NTM: variants seen among roughly 807,000 people sequenced by gnomAD.
The protein encoded by NTM is neurotrimin, also known as IgLON family member 2.
Under a neutral mutation model 42.1 loss-of-function variants are expected in NTM, and 13 were observed. The ratio of observed to expected loss-of-function variants is 0.31; its 90% CI spans 0.20 to 0.49. The LOEUF is 0.49. Ranked by LOEUF, NTM falls within the 20% of genes least tolerant of loss-of-function variation. The pLI is 0.99. For synonymous variants in NTM, 187 were observed against 179.2 expected (o/e 1.04, Z -0.35); for missense variants, 373 against 452.8 (o/e 0.82, Z 1.60).
At chr11:132,094,373 T>G (rs916625179) in intron 2 of NTM, among the ~76,000 whole-genome samples, 9 of 152,310 alleles carry the variant, frequency 5.9e-5, no homozygotes, top group African/African-American at 1.9e-4. Context: ...TCAGAAACTA[T>G]GTGTTCCTAT....
intron 1 of NTM, among the ~76,000 whole-genome samples, chr11:131,671,282 A>G (rs1478405625): frequency 6.6e-6 from 1 of 151,792 alleles, no homozygotes; most frequent in Non-Finnish European, 1.5e-5. Context: ...GGCCAGTTCC[A>G]CCCCTAGCCT....
chr11:132,014,736 G>GTTTTTTTTTTTTTTTTTTT (rs146527050), intron 2 of NTM, among the ~76,000 whole-genome samples: 3 of 84,018 alleles, frequency 3.6e-5, no homozygotes, highest in Admixed American at 1.4e-4. Context: ...AGAATTACTT[G>GTTTTTTTTTTTTTTTTTTT]TTTTTTTTTT....
At chr11:131,855,193 C>T (rs901222228) in intron 1 of NTM, among the ~76,000 whole-genome samples, 11 of 152,112 alleles carry the variant, frequency 7.2e-5, no homozygotes, top group Non-Finnish European at 5.9e-5. Flanking sequence ...GGACTTTTTA[C>T]CCAGCAGGTA....
At chr11:131,564,951 A>G (rs1166817445) in intron 1 of NTM, among the ~76,000 whole-genome samples, 2 of 152,184 alleles carry the variant, frequency 1.3e-5, no homozygotes, top group East Asian at 3.9e-4. Context: ...CAGGCCGCAA[A>G]GCCCTTTCCC....
chr11:131,595,593 G>A (rs998650789), intron 1 of NTM, among the ~76,000 whole-genome samples: 2 of 152,214 alleles, frequency 1.3e-5, no homozygotes, highest in African/African-American at 4.8e-5. Context: ...GAGAGCTGCT[G>A]ACTGTGGAGA....
intron 1 of NTM, chr11:131,795,298 T>C (rs1001230581): frequency 3.1e-6 from 2 of 640,680 alleles, no homozygotes; most frequent in Non-Finnish European, 3.9e-6. Context: ...TAGGATTTAA[T>C]GAGAGAATGC....
intron 1 of NTM, among the ~76,000 whole-genome samples, chr11:131,405,710 T>G (rs369019302): frequency 6.6e-5 from 10 of 152,224 alleles, no homozygotes; most frequent in African/African-American, 2.4e-4. Context: ...TACATCCAAT[T>G]TTGTCACTCG....
chr11:131,734,177 T>C (rs974789291), intron 1 of NTM, among the ~76,000 whole-genome samples: 1 of 151,970 alleles, frequency 6.6e-6, no homozygotes, highest in African/African-American at 2.4e-5. Context: ...CACCCATAAT[T>C]CTACCCCCTC....
intron 1 of NTM, among the ~76,000 whole-genome samples, chr11:131,689,474 A>G (rs995875788): frequency 2.0e-5 from 3 of 152,244 alleles, no homozygotes; most frequent in African/African-American, 7.2e-5. Flanking sequence ...TCAGGGGTTT[A>G]ATTCAACACT....
chr11:131,700,002 T>A (rs185978538), intron 1 of NTM, among the ~76,000 whole-genome samples: 28 of 151,800 alleles, frequency 1.8e-4, no homozygotes, highest in Admixed American at 1.4e-3. Context: ...CTTGAAGATC[T>A]CTTGACCATG....
chr11:131,411,271 T>C, intron 1 of NTM, among the ~76,000 whole-genome samples: 1 of 152,214 alleles, frequency 6.6e-6, no homozygotes, highest in East Asian at 1.9e-4. Context: ...TTTGTTTATA[T>C]GGATAATTTT....
intron 1 of NTM, among the ~76,000 whole-genome samples, chr11:131,871,402 A>G (rs964670134): frequency 2.0e-5 from 3 of 152,218 alleles, no homozygotes; most frequent in Non-Finnish European, 4.4e-5. Context: ...AATATAAATC[A>G]TGAGTAAATA....
chr11:132,329,400 C>G (rs148856137), intron 7 of NTM, among the ~76,000 whole-genome samples: 3 of 152,312 alleles, frequency 2.0e-5, no homozygotes, highest in Non-Finnish European at 4.4e-5. Flanking sequence ...AAATGGAGAC[C>G]TTTCACAGCC....
intron 2 of NTM, among the ~76,000 whole-genome samples, chr11:132,056,133 C>G (rs971048358): frequency 7.9e-5 from 12 of 152,192 alleles, no homozygotes; most frequent in African/African-American, 2.7e-4. Context: ...TGATAAACTC[C>G]TCCCATTGTA....
At position 132,018,111 on chromosome 11, in the gene NTM, C is replaced by A. The variant is rs147597173; in HGVS notation, c.167+106463C>A. Reference sequence around the variant, plus strand: ...TCAATCCTTTTCCTTCTTTGTCCCTCTCTCCCTCTGTCTCTCTGTCTCTCT... The same window carrying A: ...TCAATCCTTTTCCTTCTTTGTCCCTATCTCCCTCTGTCTCTCTGTCTCTCT... On this transcript the variant is annotated intron_variant, in intron 2 of 8. Coordinates refer to ENST00000683400, the MANE Select transcript of NTM (RefSeq NM_001352005.2). Among the ~76,000 whole-genome samples the A allele has an allele frequency of 4.8e-3, 732 of 151,654 alleles. 9 individuals are homozygous for A. The highest frequency in any genetic ancestry group is 0.017 in the African/African-American group (695 of 41,426).
At chr11:131,521,663 G>A (rs112070688) in intron 1 of NTM, among the ~76,000 whole-genome samples, 1,709 of 151,948 alleles carry the variant, frequency 0.011, 34 homozygotes, top group African/African-American at 0.039. Context: ...ACATTCAAGA[G>A]GGATCCACCT....
rs150623502 is a variant in NTM, at chr11:131,582,879, G to A, written c.82+211991G>A. Among the ~76,000 whole-genome samples, 432 of 152,100 alleles carry A rather than the reference G, an allele frequency of 2.8e-3. 1 individual carries two copies. Among genetic ancestry groups the A allele is most frequent in the Middle Eastern group, 0.01 (3 of 294 alleles). On this transcript the variant is annotated intron_variant, in intron 1 of 8. Transcript: ENST00000683400. ...CAGAGCTGGGCACTGTGAGTCCCACGGAATCCCGCTCTGTCTGCCATCCCT... is the reference window on the plus strand; with the variant it reads ...CAGAGCTGGGCACTGTGAGTCCCACAGAATCCCGCTCTGTCTGCCATCCCT...
In NTM at chr11:132,166,833, C is replaced by A. The variant is rs1325386507; in HGVS notation, c.400+20319C>A. Among the ~76,000 whole-genome samples, 6 of 152,334 alleles carry A rather than the reference C, an allele frequency of 3.9e-5. No homozygotes were observed. In the East Asian group the frequency reaches 1.2e-3, roughly 29 times the overall value. ...ACCATCATTCCTAGCATTATGGCTA[C>A]TTTCTGGATCCTGCCTGCCTCACAA... On this transcript the variant is annotated intron_variant, in intron 3 of 8. Transcript: ENST00000683400.
intron 2 of NTM, among the ~76,000 whole-genome samples, chr11:132,045,857 G>T (rs2077913290): frequency 1.3e-5 from 2 of 152,148 alleles, no homozygotes; most frequent in Admixed American, 1.3e-4. Flanking sequence ...AGCTCTTTCT[G>T]AGCTTCTTCC....
Sources: gnomAD v4.1 joint callset for allele counts (sites outside exome capture counted in the v4.1 genomes callset) on GRCh38, gnomAD v4.1.1 for gene constraint, MANE v1.5 for transcripts, NCBI Gene and HGNC (gene_info 2026-07-23, HGNC 2026-07-21) for gene names.